BRWD1: variants seen among roughly 807,000 people sequenced by gnomAD.
The protein encoded by BRWD1 is bromodomain and WD repeat-containing protein 1.
BRWD1 carries 82 observed loss-of-function variants against 251.2 expected under a neutral mutation model. That is an observed-to-expected ratio of 0.33 (90% confidence interval 0.27 to 0.39). The LOEUF (loss-of-function observed/expected upper bound fraction) is 0.39, where lower values mean the gene tolerates loss of function less well. Among genes scored for constraint, BRWD1 ranks in the 10% least tolerant of loss-of-function variants. The pLI is 1.00. For missense variants in BRWD1, 2,233 were observed against 2,711.6 expected, an observed-to-expected ratio of 0.82 and a Z score of 3.92; for synonymous variants, 918 against 902.8, an observed-to-expected ratio of 1.02 and a Z score of -0.30.
chr21:39,190,901 C>G lies in BRWD1; in HGVS notation c.*5358G>C. Reference sequence around the variant, plus strand: ...TTACTCAATGATGGGCACCACACAACTCTGAATTTTTGTTCTTATTCTGGA... The same window carrying G: ...TTACTCAATGATGGGCACCACACAAGTCTGAATTTTTGTTCTTATTCTGGA... On this transcript the variant is annotated 3_prime_UTR_variant, in exon 41 of 41. Coordinates refer to ENST00000342449, the MANE Select transcript of BRWD1 (RefSeq NM_033656.4). 1 of 985,336 alleles carries G rather than the reference C, an allele frequency of 1.0e-6. No homozygotes were observed. Among genetic ancestry groups the G allele is most frequent in the Non-Finnish European group, 1.2e-6 (1 of 829,880 alleles). The allele number at this position is 985,336 out of a possible 1,614,324, so 61.0% of individuals were successfully genotyped here.
At chr21:39,262,086 A>G (rs1234800553) in intron 17 of BRWD1, among the ~76,000 whole-genome samples, 4 of 152,254 alleles carry the variant, frequency 2.6e-5, no homozygotes, top group African/African-American at 9.6e-5. Context: ...GAAACATTTC[A>G]TGAGAAAAGA....
Position 39,251,879 on chromosome 21 carries a change from T to C in BRWD1, c.2256-990A>G, listed in dbSNP as rs564866285. ...CAATAAAACAAAGGAACACTTGACA[T>C]AGGTATCATTTTCAGCTGCATGCAA... On this transcript the variant is annotated intron_variant, in intron 19 of 40. Transcript: ENST00000342449. Among the ~76,000 whole-genome samples, 8 of 152,270 alleles carry C rather than the reference T, an allele frequency of 5.3e-5. No individual in the cohort carries two copies. The East Asian group carries it at 1.2e-3, about 22-fold the overall frequency.
At chr21:39,259,652 T>C (rs1197611970) in intron 17 of BRWD1, among the ~76,000 whole-genome samples, 1 of 151,390 alleles carries the variant, frequency 6.6e-6, no homozygotes, top group African/African-American at 2.4e-5. Flanking sequence ...AGGTCAAGAG[T>C]TCAAGACCAG....
chr21:39,284,884 ATTGT>A (rs1235339857), intron 8 of BRWD1, among the ~76,000 whole-genome samples: 2 of 152,058 alleles, frequency 1.3e-5, no homozygotes, highest in African/African-American at 4.8e-5. Flanking sequence ...TTCGATCTAT[ATTGT>A]TTGTTTCCTT....
intron 17 of BRWD1, 32 bp downstream of exon 17, chr21:39,264,428 T>TAAAA (rs33939736): frequency 6.0e-6 from 7 of 1,161,284 alleles, no homozygotes; most frequent in Admixed American, 3.0e-5. Flanking sequence ...AGTACAACTT[T>TAAAA]AAAAAAAAAA....
chr21:39,207,648 T>G (rs1174771559), intron 36 of BRWD1, among the ~76,000 whole-genome samples: 2 of 152,156 alleles, frequency 1.3e-5, no homozygotes, highest in Non-Finnish European at 1.5e-5. Context: ...AATTCTACTC[T>G]TAGGTCTATA....
intron 8 of BRWD1, among the ~76,000 whole-genome samples, chr21:39,288,062 G>GC (rs1169876658): frequency 6.6e-6 from 1 of 152,140 alleles, no homozygotes; most frequent in Non-Finnish European, 1.5e-5. Context: ...GTCGACCTGA[G>GC]CCACAGTCAC....
intron 40 of BRWD1, among the ~76,000 whole-genome samples, chr21:39,197,977 CA>C (rs560320990): frequency 9.3e-4 from 142 of 152,314 alleles, no homozygotes; most frequent in African/African-American, 3.3e-3. Flanking sequence ...TTCTCAATAA[CA>C]TCCCATGATC....
intron 35 of BRWD1, among the ~76,000 whole-genome samples, chr21:39,210,474 GCAAA>G (rs1326494057): frequency 6.6e-6 from 1 of 152,038 alleles, no homozygotes; most frequent in East Asian, 1.9e-4. Flanking sequence ...TTTAAAGAGT[GCAAA>G]CAGACACGTT....
chr21:39,310,202 C>G (rs1172596762), intron 4 of BRWD1, among the ~76,000 whole-genome samples: 1 of 152,142 alleles, frequency 6.6e-6, no homozygotes, highest in African/African-American at 2.4e-5. Flanking sequence ...GTAAATATAG[C>G]AAGTTAGTAA....
At chr21:39,213,096 CTTT>C (rs1018347654) in intron 33 of BRWD1, among the ~76,000 whole-genome samples, 1 of 152,092 alleles carries the variant, frequency 6.6e-6, no homozygotes, top group Non-Finnish European at 1.5e-5. Context: ...CCCCATCTAA[CTTT>C]TTTATTTATT....
Position 39,209,882 on chromosome 21 carries a change from G to A in BRWD1, c.4197+113C>T, listed in dbSNP as rs1389682689. ...CTTAATTTATTCACTTATCTTTAAT[G>A]TTCTAACCTCTATTACACAGTGGAA... On this transcript the variant is annotated intron_variant, in intron 36 of 40. Transcript: ENST00000342449. 25 of 1,018,354 alleles carry A rather than the reference G, an allele frequency of 2.5e-5. No individual in the cohort carries two copies. The East Asian group carries it at 5.1e-4, about 21-fold the overall frequency. 63.1% of individuals were successfully genotyped at this position (1,018,354 alleles called of 1,614,324 possible). A position where few individuals can be genotyped will look rare whatever the true frequency, so the allele number is the denominator to read the frequency against.
At chr21:39,279,780 C>T (rs954534391) in intron 9 of BRWD1, among the ~76,000 whole-genome samples, 3 of 151,852 alleles carry the variant, frequency 2.0e-5, no homozygotes, top group Non-Finnish European at 4.4e-5. Flanking sequence ...TTAAAGTGCT[C>T]AACGATCATA....
intron 17 of BRWD1, among the ~76,000 whole-genome samples, chr21:39,263,777 C>A (rs1160461907): frequency 6.6e-6 from 1 of 152,114 alleles, no homozygotes; most frequent in East Asian, 1.9e-4. Flanking sequence ...TGACATATCT[C>A]CCCACAAATT....
At chr21:39,319,393 G>T (rs776185088) in intron 1 of BRWD1, among the ~76,000 whole-genome samples, 1 of 152,046 alleles carries the variant, frequency 6.6e-6, no homozygotes, top group Non-Finnish European at 1.5e-5. Context: ...AGTCTTACTC[G>T]TTCTTACTTT....
chr21:39,196,849 T>C lies in BRWD1; in HGVS notation c.6220A>G (p.Thr2074Ala). The C allele has an allele frequency of 3.1e-6, 5 of 1,613,742 alleles. No individual in the cohort carries two copies. Among genetic ancestry groups the C allele is most frequent in the African/African-American group, 1.3e-5 (1 of 75,040 alleles). The change falls in exon 41 of 41, where the codon ACC (threonine) becomes GCC (alanine). Residue 2074 changes from threonine (T) to alanine (A), a missense_variant. By Grantham distance (58) the Thr-to-Ala change is moderately conservative. This residue lies in a region of BRWD1 where 928 missense variants were observed against 970.0 expected (regional missense o/e 0.96). Transcript: ENST00000342449. ...TCTGCAGTAGCTTTTTGTGCCAAGG[T>C]TGACTCTGAAGAAAATGTCCTATCA... ...ETDRTFSSES[T>A]LAQKATAENN...
Position 39,194,250 on chromosome 21 carries a change from ATATT to A in BRWD1, c.*2005_*2008del, listed in dbSNP as rs2031698100. ...ATGTATGTACTTATGAATGTATTCC[ATATT>A]TATTTATGGATTTTTTTGGTACCTT... On this transcript the variant is annotated 3_prime_UTR_variant, in exon 41 of 41. Coordinates refer to ENST00000342449, the MANE Select transcript of BRWD1 (RefSeq NM_033656.4). 5 of 988,542 alleles carry A rather than the reference ATATT, an allele frequency of 5.1e-6. No homozygotes were observed. Among genetic ancestry groups the A allele is most frequent in the Non-Finnish European group, 6.0e-6 (5 of 830,458 alleles). The allele number at this position is 988,542 out of a possible 1,614,324, so 61.2% of individuals were successfully genotyped here.
At chr21:39,312,710 G>A in intron 4 of BRWD1, 131 bp downstream of exon 4, 1 of 520,846 alleles carries the variant, frequency 1.9e-6, no homozygotes. Context: ...CGGGAACGCA[G>A]CTATCCCCGG....
In BRWD1 at chr21:39,195,431, A is replaced by T. The variant is rs1200508437; in HGVS notation, c.*828T>A. On this transcript the variant is annotated 3_prime_UTR_variant, in exon 41 of 41. Coordinates refer to ENST00000342449, the MANE Select transcript of BRWD1 (RefSeq NM_033656.4). ...CAGAGTAAGATTATGGAAGAGCAAG[A>T]TTTTGGTTAAATCCCTTACAATGGA... 3.0e-6 allele frequency: 3 copies of T among 985,628 alleles called. No individual in the cohort carries two copies. The highest frequency in any genetic ancestry group is 1.7e-5 in the African/African-American group (1 of 57,206). 61.1% of individuals were successfully genotyped at this position (985,628 alleles called of 1,614,324 possible).
Sources: allele counts gnomAD v4.1 joint callset (sites outside exome capture counted in the v4.1 genomes callset), GRCh38; gene constraint gnomAD v4.1.1; regional missense constraint gnomAD v4.1.1; transcripts MANE v1.5; gene names NCBI Gene and HGNC (gene_info 2026-07-23, HGNC 2026-07-21).